Variants in TRAPPC2L observed in about 807,000 individuals in gnomAD.
TRAPPC2L encodes trafficking protein particle complex subunit 2L, also known as trafficking protein particle complex subunit 2-like protein.
TRAPPC2L carries 17 observed loss-of-function variants against 13.2 expected under a neutral mutation model. The observed-to-expected ratio is 1.29, with a 90% CI of 0.88 to 1.93. The LOEUF (loss-of-function observed/expected upper bound fraction) is 1.93. Among genes scored for constraint, TRAPPC2L ranks in the 30% most tolerant of loss-of-function variants. The pLI, the probability that TRAPPC2L is intolerant of heterozygous loss-of-function variation, is 0.00. For missense variants in TRAPPC2L, 359 were observed against 252.1 expected (o/e 1.42, Z -2.87); for synonymous variants, 150 against 98.1 (o/e 1.53, Z -3.12).
chr16:88,859,962 A>T (rs374833337), exon 4 of TRAPPC2L: 1 of 1,613,968 alleles, frequency 6.2e-7, no homozygotes, highest in Non-Finnish European at 8.5e-7. Flanking sequence ...GGGGGACCGC[A>T]TCCAGTCCAG....
exon 4 of TRAPPC2L, chr16:88,860,167 C>T (rs1230182342): frequency 1.5e-5 from 11 of 713,284 alleles, no homozygotes; most frequent in South Asian, 8.8e-5. Flanking sequence ...AGATCTCCAG[C>T]GCATAAAGTG....
Position 88,858,612 on chromosome 16 carries a change from C to T in TRAPPC2L, c.34-7C>T, listed in dbSNP as rs764587405. On this transcript the variant is annotated splice_polypyrimidine_tract_variant and splice_region_variant and intron_variant, in intron 1 of 3. Coordinates refer to ENST00000565504, the Ensembl canonical transcript of TRAPPC2L. ...GTCCTTTCAGTCGCCGTCATCCTTT[C>T]TTGCAGAATTACCCCCTCTACATTC... The T allele has an allele frequency of 3.7e-6, 6 of 1,611,474 alleles. No individual in the cohort carries two copies. Among genetic ancestry groups the T allele is most frequent in the South Asian group, 1.1e-5 (1 of 91,036 alleles).
chr16:88,856,534 A>G, upstream of TRAPPC2L: 3 of 691,390 alleles, frequency 4.3e-6, no homozygotes, highest in South Asian at 3.0e-5. Flanking sequence ...CCACGCCTGG[A>G]CCCCGCGGCC....
chr16:88,859,910 C>T (rs1295830032), exon 4 of TRAPPC2L: 5 of 1,569,014 alleles, frequency 3.2e-6, no homozygotes, highest in African/African-American at 1.7e-5. Context: ...GGAAGCTACA[C>T]AACTCCTACA....
exon 2 of TRAPPC2L, chr16:88,858,697 G>A (rs754955850): frequency 6.2e-6 from 10 of 1,613,504 alleles, no homozygotes; most frequent in Middle Eastern, 1.6e-4. Context: ...ATCTCTGGAC[G>A]TGGTGGATGA....
upstream of TRAPPC2L, chr16:88,857,056 C>T: frequency 6.9e-7 from 1 of 1,458,796 alleles, no homozygotes; most frequent in Non-Finnish European, 9.0e-7. Flanking sequence ...TGGGGCGGGG[C>T]CTGAGCCAGC....
At chr16:88,857,494 C>G (rs1040498605) in intron 1 of TRAPPC2L, 1 of 379,122 alleles carries the variant, frequency 2.6e-6, no homozygotes, top group African/African-American at 2.1e-5. Context: ...TCAGCAGGTT[C>G]TGCCCGTTCT....
At chr16:88,857,235 GCTTT>G (rs1293086188) in intron 1 of TRAPPC2L, 52 bp downstream of exon 1, 3 of 1,437,534 alleles carry the variant, frequency 2.1e-6, no homozygotes, top group Non-Finnish European at 1.9e-6. Context: ...TCGGCTCTCC[GCTTT>G]CTTTCTACTT....
At chr16:88,861,517 C>T in exon 4 of TRAPPC2L, 2 of 385,094 alleles carry the variant, frequency 5.2e-6, no homozygotes, top group South Asian at 1.8e-5. Context: ...CCTGGGAAGC[C>T]TCGTGGCCCC....
In TRAPPC2L at chr16:88,858,444, G is replaced by C. The variant is rs185051346; in HGVS notation, c.34-175G>C. On this transcript the variant is annotated intron_variant, in intron 1 of 3. Transcript: ENST00000565504. ...ACAACACATAAATCTCCTTAGGTTA[G>C]CTGGGATCCCCTGAAGGCAGTGCCC... Among the ~76,000 whole-genome samples, 8 of 152,270 alleles carry C rather than the reference G, an allele frequency of 5.3e-5. No individual in the cohort carries two copies. In the South Asian group the frequency reaches 6.2e-4, roughly 12 times the overall value.
At chr16:88,857,107 G>T, upstream of TRAPPC2L, 1 of 1,524,250 alleles carries the variant, frequency 6.6e-7, no homozygotes, top group Non-Finnish European at 8.8e-7. Flanking sequence ...CGCGTGACCA[G>T]CGGCGGGTCA....
exon 4 of TRAPPC2L, chr16:88,860,843 GC>G (rs1192445312): frequency 6.6e-7 from 1 of 1,512,788 alleles, no homozygotes; most frequent in Non-Finnish European, 9.0e-7. Context: ...GAGCCATGCT[GC>G]CCGGCCCGTC....
At chr16:88,859,725 C>T (rs768891852) in exon 3 of TRAPPC2L, 21 of 1,613,854 alleles carry the variant, frequency 1.3e-5, no homozygotes, top group Non-Finnish European at 1.3e-5. Flanking sequence ...TCCAACACAG[C>T]CCTTCGAGAC....
intron 1 of TRAPPC2L, among the ~76,000 whole-genome samples, chr16:88,858,288 G>A (rs1304476631): frequency 1.3e-5 from 2 of 152,242 alleles, no homozygotes; most frequent in Non-Finnish European, 2.9e-5. Flanking sequence ...GAGGTGGGCT[G>A]AGGCAGAGTG....
exon 4 of TRAPPC2L, chr16:88,860,514 C>T (rs1026346462): frequency 1.0e-5 from 6 of 598,454 alleles, no homozygotes; most frequent in African/African-American, 1.9e-5. Flanking sequence ...GGGAAGAGGA[C>T]GCTGCAGTGA....
At chr16:88,862,177 A>C (rs1440418845) in exon 4 of TRAPPC2L, 1 of 154,918 alleles carries the variant, frequency 6.5e-6, no homozygotes, top group African/African-American at 2.4e-5. Flanking sequence ...TTTGCCTTTT[A>C]GTGGGGATCA....
intron 1 of TRAPPC2L, 114 bp downstream of exon 1, chr16:88,857,297 C>G: frequency 9.8e-7 from 1 of 1,019,828 alleles, no homozygotes; most frequent in Non-Finnish European, 1.4e-6. Flanking sequence ...CTGGAGGAGG[C>G]CTTCGCCGAG....
At chr16:88,856,904 G>C (rs1194057254), upstream of TRAPPC2L, 9 of 1,498,920 alleles carry the variant, frequency 6.0e-6, no homozygotes, top group Admixed American at 4.3e-5. Context: ...GCGGAGCCCC[G>C]GCCAGCGAGC....
chr16:88,857,406 T>G (rs1223599350), intron 1 of TRAPPC2L: 4 of 496,768 alleles, frequency 8.1e-6, no homozygotes. Flanking sequence ...AACGCACCCC[T>G]CGGCGCAGCA....
Sources: gnomAD v4.1 joint callset for allele counts (sites outside exome capture counted in the v4.1 genomes callset) on GRCh38, gnomAD v4.1.1 for gene constraint, MANE v1.5 for transcripts, NCBI Gene and HGNC (gene_info 2026-07-23, HGNC 2026-07-21) for gene names.